RSF1: variants seen among roughly 807,000 people sequenced by gnomAD.
The protein encoded by RSF1 is HBV pX-associated protein 8.
RSF1 carries 13 observed loss-of-function variants against 145.2 expected under a neutral mutation model. That is an observed-to-expected ratio of 0.09 (90% CI 0.06 to 0.14). The LOEUF (loss-of-function observed/expected upper bound fraction) is 0.14. RSF1 is among the 10% of genes least tolerant of loss of function. RSF1 has a pLI of 1.00. For missense variants in RSF1, 1,517 were observed against 1,718.2 expected (o/e 0.88, Z 2.07); for synonymous variants, 577 against 592.6 (o/e 0.97, Z 0.38).
At chr11:77,864,859 C>T in the RSF1 span, among the ~76,000 whole-genome samples, 1 of 152,086 alleles carries the variant, frequency 6.6e-6, no homozygotes. Context: ...CATCTGTATT[C>T]CCAGCTACTT....
At chr11:77,724,912 T>G (rs1961017812) in intron 5 of RSF1, among the ~76,000 whole-genome samples, 1 of 152,174 alleles carries the variant, frequency 6.6e-6, no homozygotes, top group Non-Finnish European at 1.5e-5. Flanking sequence ...GTACTACTCC[T>G]TGGCCTGGGG....
intron 5 of RSF1, among the ~76,000 whole-genome samples, chr11:77,705,476 C>T (rs2135859323): frequency 2.0e-5 from 3 of 152,344 alleles, no homozygotes; most frequent in Middle Eastern, 6.8e-3. Context: ...TGTAATGATA[C>T]ATTGAATATT....
chr11:77,696,085 T>G (rs1051564936), intron 7 of RSF1, among the ~76,000 whole-genome samples: 7 of 152,220 alleles, frequency 4.6e-5, no homozygotes, highest in African/African-American at 9.6e-5. Flanking sequence ...CGGTATACAG[T>G]TGATTACATT....
At chr11:77,667,760 A>G (rs11237263) in intron 15 of RSF1, among the ~76,000 whole-genome samples, 32,900 of 151,998 alleles carry the variant, frequency 0.22, 3,652 homozygotes, top group Middle Eastern at 0.26. Flanking sequence ...CTAGAATACA[A>G]TGGTGTGATC....
intron 1 of RSF1, among the ~76,000 whole-genome samples, chr11:77,779,608 T>C (rs370827914): frequency 2.6e-5 from 4 of 151,884 alleles, no homozygotes; most frequent in Non-Finnish European, 4.4e-5. Context: ...TCTCGAACTC[T>C]TGACCTCAGG....
At chr11:77,674,941 G>C (rs1242501077) in intron 14 of RSF1, 95 bp downstream of exon 14, 1 of 952,772 alleles carries the variant, frequency 1.0e-6, no homozygotes, top group Non-Finnish European at 1.6e-6. Flanking sequence ...AGAGGTTGCA[G>C]TGAGCCGAGA....
chr11:77,666,978 T>C lies in RSF1; in HGVS notation c.4265A>G (p.Glu1422Gly). The C allele has an allele frequency of 6.2e-7, 1 of 1,608,696 alleles. No homozygotes were observed. The highest frequency in any genetic ancestry group is 8.5e-7 in the Non-Finnish European group (1 of 1,175,930). Residue 1422 changes from glutamate (E) to glycine (G), a missense_variant, in exon 16 of 16, where the codon GAA (glutamate) becomes GGA (glycine). Coordinates refer to ENST00000308488, the MANE Select transcript of RSF1 (RefSeq NM_016578.4). ...GTCAGTCACTCTCAAAAGCTCATCT[T>C]CCTCCTCTTCTGGTGCTCCTGCCTC... ...GQEAGAPEEEEDELLRVTDLV... is the reference protein window; with the variant it reads ...GQEAGAPEEEGDELLRVTDLV...
At chr11:77,753,476 C>T (rs915810842) in intron 2 of RSF1, among the ~76,000 whole-genome samples, 4 of 152,204 alleles carry the variant, frequency 2.6e-5, no homozygotes, top group Non-Finnish European at 4.4e-5. Context: ...GATAGAGGAG[C>T]CTGAACTGGC....
intron 2 of RSF1, among the ~76,000 whole-genome samples, chr11:77,761,454 T>C (rs1948170947): frequency 6.6e-6 from 1 of 152,034 alleles, no homozygotes; most frequent in Admixed American, 6.6e-5. Flanking sequence ...CGATTTCTTT[T>C]AAGGGATAAT....
chr11:77,798,383 G>A (rs1207755071), intron 1 of RSF1, among the ~76,000 whole-genome samples: 3 of 151,536 alleles, frequency 2.0e-5, no homozygotes, highest in Non-Finnish European at 4.4e-5. Flanking sequence ...TCAGGAGCTC[G>A]AGATCAGCCT....
the RSF1 span, chr11:77,869,832 G>C: frequency 6.2e-7 from 1 of 1,610,610 alleles, no homozygotes; most frequent in Non-Finnish European, 8.5e-7. Flanking sequence ...GTGTTGGTAT[G>C]CACAGCATTC....
the RSF1 span, among the ~76,000 whole-genome samples, chr11:77,862,789 T>C: frequency 6.6e-6 from 1 of 152,198 alleles, no homozygotes; most frequent in East Asian, 1.9e-4. Flanking sequence ...AATTTATACT[T>C]CCCTCAGGAG....
At chr11:77,678,917 A>T (rs373825091) in intron 11 of RSF1, among the ~76,000 whole-genome samples, 12 of 152,342 alleles carry the variant, frequency 7.9e-5, no homozygotes, top group African/African-American at 2.9e-4. Flanking sequence ...ACCGCAAGAA[A>T]TAAATTTCTG....
chr11:77,686,407 T>TAAAAAAA (rs1565148154), intron 9 of RSF1, among the ~76,000 whole-genome samples: 1 of 9,598 alleles, frequency 1.0e-4, no homozygotes, highest in Admixed American at 1.0e-3. Flanking sequence ...AGACCCTGTC[T>TAAAAAAA]CAAAAAAAAA....
the RSF1 span, among the ~76,000 whole-genome samples, chr11:77,833,702 A>T: frequency 2.6e-5 from 4 of 152,300 alleles, no homozygotes; most frequent in South Asian, 8.3e-4. Context: ...ATTTGTACCT[A>T]TTAGAATGTT....
the RSF1 span, among the ~76,000 whole-genome samples, chr11:77,847,696 A>T: frequency 6.6e-6 from 1 of 152,244 alleles, no homozygotes; most frequent in Non-Finnish European, 1.5e-5. Context: ...GAGCATCTAT[A>T]TATGCAGAAC....
chr11:77,679,506 CTA>C (rs1342867355), intron 11 of RSF1, among the ~76,000 whole-genome samples: 1 of 151,940 alleles, frequency 6.6e-6, no homozygotes, highest in Non-Finnish European at 1.5e-5. Context: ...ACCCCTGTCT[CTA>C]TAAAGAATAC....
chr11:77,676,798 C>G lies in RSF1; in HGVS notation c.3335G>C (p.Ser1112Thr), dbSNP rs1173498385. The G allele has an allele frequency of 6.2e-7, 1 of 1,613,790 alleles. No homozygotes were observed. The highest frequency in any genetic ancestry group is 1.7e-5 in the Admixed American group (1 of 60,006). Residue 1112 changes from serine (S) to threonine (T), a missense_variant, in exon 13 of 16, where the codon AGT (serine) becomes ACT (threonine). Ser to Thr is a moderately conservative substitution (Grantham distance 58). This residue lies in a region of RSF1 where 231 missense variants were observed against 276.6 expected (regional missense o/e 0.84). Transcript: ENST00000308488. ...EEESEDEFKI[S>T]DGSQDEFVVS... ...CTAGTAGGAGACCACACACCCATCA[C>G]TGATCTTGAATTCATCCTCGCTCTC...
At chr11:77,684,091 A>T (rs781507381) in intron 10 of RSF1, among the ~76,000 whole-genome samples, 15 of 152,226 alleles carry the variant, frequency 9.9e-5, no homozygotes, top group Non-Finnish European at 4.4e-5. Flanking sequence ...GTCATGATGA[A>T]GTTTTTCCAT....
Sources: allele counts gnomAD v4.1 joint callset (sites outside exome capture counted in the v4.1 genomes callset), GRCh38; gene constraint gnomAD v4.1.1; regional missense constraint gnomAD v4.1.1; transcripts MANE v1.5; gene names NCBI Gene and HGNC (gene_info 2026-07-23, HGNC 2026-07-21).